Variants in PLEKHA7 observed in about 807,000 individuals in gnomAD.
The protein encoded by PLEKHA7 is pleckstrin homology domain containing A7.
Under a neutral mutation model 170.0 loss-of-function variants are expected in PLEKHA7, and 104 were observed. The ratio of observed to expected loss-of-function variants is 0.61; its 90% CI spans 0.52 to 0.72. The LOEUF (loss-of-function observed/expected upper bound fraction) is 0.72. Among genes scored for constraint, PLEKHA7 ranks in the 30% least tolerant of loss-of-function variants. PLEKHA7 has a pLI of 0.00. For synonymous variants in PLEKHA7, 648 were observed against 660.8 expected, an observed-to-expected ratio of 0.98 and a Z score of 0.30; for missense variants, 1,615 against 1,671.7, an observed-to-expected ratio of 0.97 and a Z score of 0.59.
At position 17,001,656 on chromosome 11, in the gene PLEKHA7, C is replaced by T. The variant is rs74923827; in HGVS notation, c.221+12333G>A. On this transcript the variant is annotated intron_variant, in intron 3 of 26. Transcript: ENST00000531066. ...CCATAGAGTGTGATGTAGGAAGTCA[C>T]GAGAGGTAGCCAGCAGCCCCAGGAA... Among the ~76,000 whole-genome samples, 180 of 152,204 alleles carry T rather than the reference C, an allele frequency of 1.2e-3. 3 individuals are homozygous for T. The East Asian group carries it at 0.032, about 27-fold the overall frequency.
intron 3 of PLEKHA7, among the ~76,000 whole-genome samples, chr11:16,990,184 A>G (rs2136942275): frequency 6.6e-6 from 1 of 151,382 alleles, no homozygotes; most frequent in Non-Finnish European, 1.5e-5. Context: ...AAAAATAAAA[A>G]TAAATAAATA....
intron 7 of PLEKHA7, 86 bp from the exon 8 acceptor site, chr11:16,851,377 GT>G: frequency 1.1e-6 from 1 of 910,110 alleles, no homozygotes. Context: ...CTTCAGCCAA[GT>G]TGTTTCCTCC....
At position 16,871,130 on chromosome 11, in the gene PLEKHA7, G is replaced by C. The variant is rs202123413; in HGVS notation, c.274C>G (p.Pro92Ala). Residue 92 changes from proline (P) to alanine (A), a missense_variant, in exon 4 of 27, where the codon CCA becomes GCA. Coordinates refer to ENST00000531066, the MANE Select transcript of PLEKHA7 (RefSeq NM_001329630.2). ...TGAAGAATGAATTCACTATTTTCTG[G>C]AGAAAACTGTCCCGTCACAGGATGC... ...FRHPVTGQFS[P>A]ENSEFILQEE... 6.2e-7 allele frequency: 1 copy of C among 1,607,918 alleles called. No homozygotes were observed. The highest frequency in any genetic ancestry group is 1.3e-5 in the African/African-American group (1 of 74,824).
At chr11:16,857,602 G>A (rs1182557931) in intron 4 of PLEKHA7, among the ~76,000 whole-genome samples, 1 of 152,244 alleles carries the variant, frequency 6.6e-6, no homozygotes, top group Admixed American at 6.5e-5. Context: ...GACTTCTGGA[G>A]GTTGAGACAA....
chr11:16,952,004 G>A (rs1305841806), intron 3 of PLEKHA7, among the ~76,000 whole-genome samples: 3 of 152,228 alleles, frequency 2.0e-5, no homozygotes, highest in Admixed American at 1.3e-4. Context: ...ACTGTGATCT[G>A]AAATAGCCTT....
chr11:17,010,999 T>C (rs1865291451), intron 3 of PLEKHA7, among the ~76,000 whole-genome samples: 1 of 152,162 alleles, frequency 6.6e-6, no homozygotes. Flanking sequence ...CTGTCACACA[T>C]TGCTTTTTCT....
At chr11:16,863,927 A>G (rs1226802534) in intron 4 of PLEKHA7, among the ~76,000 whole-genome samples, 1 of 152,240 alleles carries the variant, frequency 6.6e-6, no homozygotes, top group Non-Finnish European at 1.5e-5. Flanking sequence ...AAAAGGTTTG[A>G]GAACATTTTC....
chr11:16,789,906 T>A lies in PLEKHA7; in HGVS notation c.3053-28A>T. 2.5e-6 allele frequency: 4 copies of A among 1,594,130 alleles called. No homozygotes were observed. The highest frequency in any genetic ancestry group is 3.4e-6 in the Non-Finnish European group (4 of 1,162,102). On this transcript the variant is annotated intron_variant, in intron 21 of 26. Coordinates refer to ENST00000531066, the MANE Select transcript of PLEKHA7 (RefSeq NM_001329630.2). This position sits in a 1 kb window ranked among gnomAD's most constrained non-coding sequence, Gnocchi z 4.6. ...TAGTGAGGAAAGAGAAGTGCAAGCA[T>A]GTTTGTGCTGGGGTGGATGGGTCCC...
At chr11:16,829,568 G>C (rs1460449995) in intron 9 of PLEKHA7, among the ~76,000 whole-genome samples, 9 of 152,118 alleles carry the variant, frequency 5.9e-5, no homozygotes, top group Non-Finnish European at 1.3e-4. Flanking sequence ...CTGAGGTCAG[G>C]GGTTCAAGAC....
chr11:16,925,522 A>AC (rs1245014343), intron 3 of PLEKHA7, among the ~76,000 whole-genome samples: 2 of 151,908 alleles, frequency 1.3e-5, no homozygotes, highest in African/African-American at 2.4e-5. Context: ...GCGCGCACAC[A>AC]CACCTGCAGG....
At chr11:16,843,051 C>G (rs570231154) in intron 8 of PLEKHA7, among the ~76,000 whole-genome samples, 130 of 152,330 alleles carry the variant, frequency 8.5e-4, no homozygotes, top group Non-Finnish European at 1.2e-3. Context: ...ATGTAAGCTA[C>G]ACGAGAGTGG....
chr11:16,995,577 A>C (rs772793480), intron 3 of PLEKHA7, among the ~76,000 whole-genome samples: 9 of 152,104 alleles, frequency 5.9e-5, no homozygotes, highest in Non-Finnish European at 1.0e-4. Flanking sequence ...ATGCCACCTG[A>C]CCATCCTATC....
At chr11:16,869,561 T>C (rs1854664075) in intron 4 of PLEKHA7, among the ~76,000 whole-genome samples, 2 of 152,264 alleles carry the variant, frequency 1.3e-5, no homozygotes, top group Admixed American at 6.5e-5. Flanking sequence ...CCCATAATTA[T>C]AGCTTTCTAG....
chr11:16,972,257 GACT>G (rs1462006991), intron 3 of PLEKHA7, among the ~76,000 whole-genome samples: 2 of 152,006 alleles, frequency 1.3e-5, no homozygotes, highest in Admixed American at 6.6e-5. Context: ...GAGTAGCTGG[GACT>G]ACAAGCGCAC....
At chr11:17,010,549 T>C (rs1372663028) in intron 3 of PLEKHA7, among the ~76,000 whole-genome samples, 1 of 152,132 alleles carries the variant, frequency 6.6e-6, no homozygotes, top group Non-Finnish European at 1.5e-5. Flanking sequence ...AAGGCTGCAG[T>C]GAGCTATGAT....
intron 3 of PLEKHA7, among the ~76,000 whole-genome samples, chr11:16,873,192 A>T (rs1855003136): frequency 6.6e-6 from 1 of 152,226 alleles, no homozygotes; most frequent in Admixed American, 6.5e-5. Flanking sequence ...ATTGAGACTA[A>T]GCCTCCCTAG....
At chr11:16,968,990 T>G (rs766715665) in intron 3 of PLEKHA7, among the ~76,000 whole-genome samples, 2 of 152,154 alleles carry the variant, frequency 1.3e-5, no homozygotes, top group Admixed American at 6.5e-5. Flanking sequence ...AAGCAGAATG[T>G]GTGATGTCCT....
At chr11:16,906,469 C>T (rs1455614995) in intron 3 of PLEKHA7, among the ~76,000 whole-genome samples, 8 of 141,680 alleles carry the variant, frequency 5.6e-5, no homozygotes, top group South Asian at 2.3e-4. Context: ...TGCAGGCACG[C>T]GCCGCCATGC....
chr11:16,944,094 C>T (rs1860863780), intron 3 of PLEKHA7, among the ~76,000 whole-genome samples: 2 of 152,108 alleles, frequency 1.3e-5, no homozygotes, highest in Admixed American at 1.3e-4. Context: ...TGGCTCACAC[C>T]TGAAATCCCA....
Sources: gnomAD v4.1 joint callset for allele counts (sites outside exome capture counted in the v4.1 genomes callset) on GRCh38, gnomAD v4.1.1 for gene constraint, Gnocchi (gnomAD v3.1) non-coding constraint, MANE v1.5 for transcripts, NCBI Gene and HGNC (gene_info 2026-07-23, HGNC 2026-07-21) for gene names.